The following JKAMP variants were observed in gnomAD, a reference collection of about 807,000 sequenced individuals.
The protein encoded by JKAMP is JNK1/MAPK8 associated membrane protein, also known as JNK1/MAPK8-associated membrane protein.
JKAMP carries 20 observed loss-of-function variants against 40.2 expected under a neutral mutation model. That is an observed-to-expected ratio of 0.50 (90% CI 0.35 to 0.72). The LOEUF is 0.72. JKAMP is among the 30% of genes least tolerant of loss of function. JKAMP has a pLI of 0.01. For synonymous variants in JKAMP, 138 were observed against 131.6 expected, an observed-to-expected ratio of 1.05 and a Z score of -0.33; for missense variants, 276 against 373.0, an observed-to-expected ratio of 0.74 and a Z score of 2.14.
At chr14:59,502,751 T>TTTTTTTTTTGTTTTGTTTTGTTTTG (rs1891994901) in intron 6 of JKAMP, among the ~76,000 whole-genome samples, 1 of 89,152 alleles carries the variant, frequency 1.1e-5, no homozygotes, top group African/African-American at 4.5e-5. Context: ...TAAAATGAGA[T>TTTTTTTTTTGTTTTGTTTTGTTTTG]TTTTTTTTTT....
intron 1 of JKAMP, chr14:59,485,054 A>C: frequency 6.3e-7 from 1 of 1,598,408 alleles, no homozygotes; most frequent in South Asian, 1.1e-5. Context: ...AACTTTAGCC[A>C]TCGTTCGCTA....
At chr14:59,484,876 C>T in intron 1 of JKAMP, 1 of 1,248,644 alleles carries the variant, frequency 8.0e-7, no homozygotes, top group Non-Finnish European at 1.1e-6. Flanking sequence ...GTCGAGGGAA[C>T]ACTTGCTTGA....
intron 6 of JKAMP, 78 bp downstream of exon 6, chr14:59,501,345 T>A: frequency 1.1e-6 from 1 of 873,472 alleles, no homozygotes; most frequent in Non-Finnish European, 1.8e-6. Context: ...CCATATGATA[T>A]GATATAGTAC....
chr14:59,487,870 G>A, intron 3 of JKAMP, 42 bp downstream of exon 3: 2 of 1,560,124 alleles, frequency 1.3e-6, no homozygotes, highest in South Asian at 2.2e-5. Context: ...GACTAATGTT[G>A]GAATAATTAT....
At chr14:59,493,280 C>T (rs1019259048) in intron 3 of JKAMP, among the ~76,000 whole-genome samples, 5 of 152,142 alleles carry the variant, frequency 3.3e-5, no homozygotes, top group African/African-American at 1.2e-4. Context: ...GGAAGAGAAC[C>T]AAGGCACACC....
chr14:59,486,514 G>A (rs775954401), intron 1 of JKAMP, among the ~76,000 whole-genome samples, 199 bp from the exon 2 acceptor site: 38 of 152,332 alleles, frequency 2.5e-4, no homozygotes, highest in Non-Finnish European at 5.3e-4. Flanking sequence ...GGTATTAACA[G>A]CAAGGTTCCA....
In JKAMP at chr14:59,501,247, A is replaced by C; in HGVS notation, c.697A>C (p.Met233Leu). The C allele has an allele frequency of 6.2e-7, 1 of 1,601,692 alleles. No homozygotes were observed. The highest frequency in any genetic ancestry group is 8.5e-7 in the Non-Finnish European group (1 of 1,170,510). Residue 233 changes from methionine (M) to leucine (L), a missense_variant, in exon 6 of 7, where the codon ATG (methionine) becomes CTG (leucine). By Grantham distance (15) the Met-to-Leu change is conservative (BLOSUM62 2). Transcript: ENST00000616435. ...VLSLVTLAVY[M>L]SASEIENCYD... ...ATCTTTGGTTACTCTGGCTGTGTACATGTCTGCTTCTGAAATAGAGGTAGG... is the reference window on the plus strand; with the variant it reads ...ATCTTTGGTTACTCTGGCTGTGTACCTGTCTGCTTCTGAAATAGAGGTAGG...
chr14:59,486,042 T>A (rs1044854188), intron 1 of JKAMP: 42 of 152,222 alleles, frequency 2.8e-4, no homozygotes, highest in African/African-American at 9.2e-4. Flanking sequence ...GGGGTTTTTT[T>A]AAGTAAGGAA....
rs570026945 is a variant in JKAMP at position 59,484,778 on chromosome 14, G to T, written c.4+185G>T. The T allele has an allele frequency of 1.3e-4, 117 of 906,328 alleles. No individual in the cohort carries two copies. The African/African-American group carries it at 1.7e-3, about 13-fold the overall frequency. The allele number at this position is 906,328 out of a possible 1,614,324, so 56.1% of individuals were successfully genotyped here. ...GGGGTTGGGGTGGTCTGTCCGCAAC[G>T]GGCTACTAGGGGAGGCGCGCTGTCT... On this transcript the variant is annotated intron_variant, in intron 1 of 6. Transcript: ENST00000616435.
chr14:59,494,747 AATG>A (rs1402982433), intron 3 of JKAMP, among the ~76,000 whole-genome samples: 2 of 152,212 alleles, frequency 1.3e-5, no homozygotes, highest in Non-Finnish European at 2.9e-5. Flanking sequence ...TTAAGATTAA[AATG>A]ATACACAGAT....
intron 3 of JKAMP, among the ~76,000 whole-genome samples, chr14:59,489,195 A>AATTTT (rs1890803811): frequency 1.7e-5 from 1 of 58,318 alleles, no homozygotes; most frequent in Admixed American, 1.9e-4. Flanking sequence ...CTTTTTAAGT[A>AATTTT]TAAGTCCCAA....
At chr14:59,495,851 C>A (rs560288124) in intron 4 of JKAMP, among the ~76,000 whole-genome samples, 1 of 152,066 alleles carries the variant, frequency 6.6e-6, no homozygotes, top group South Asian at 2.1e-4. Flanking sequence ...CAAATAGGTA[C>A]AAAACAACCA....
At chr14:59,500,208 T>C (rs1053196711) in intron 5 of JKAMP, among the ~76,000 whole-genome samples, 2 of 152,194 alleles carry the variant, frequency 1.3e-5, no homozygotes, top group African/African-American at 4.8e-5. Flanking sequence ...TAAAAAGTTA[T>C]AAATGTCAAA....
intron 3 of JKAMP, 74 bp from the exon 4 acceptor site, chr14:59,494,944 A>C: frequency 9.9e-7 from 1 of 1,007,086 alleles, no homozygotes; most frequent in Non-Finnish European, 1.5e-6. Flanking sequence ...GTATCTTGAC[A>C]CATGTACATG....
Position 59,505,335 on chromosome 14 carries a change from A to G in JKAMP, c.*1263A>G. The G allele has an allele frequency of 7.3e-7, 1 of 1,377,008 alleles. No homozygotes were observed. The highest frequency in any genetic ancestry group is 1.4e-5 in the South Asian group (1 of 70,404). The allele number at this position is 1,377,008 out of a possible 1,614,324, so 85.3% of individuals were successfully genotyped here. A position where few individuals can be genotyped will look rare whatever the true frequency, so the allele number is the denominator to read the frequency against. ...TCTTCTCTGTAGGAATAAAAAATAA[A>G]TATAAAAATTTTATTTGTATTGCAC... On this transcript the variant is annotated 3_prime_UTR_variant, in exon 7 of 7. Coordinates refer to ENST00000616435, the MANE Select transcript of JKAMP (RefSeq NM_016475.5).
At chr14:59,484,953 C>T (rs1367296058) in intron 1 of JKAMP, 1 of 1,513,426 alleles carries the variant, frequency 6.6e-7, no homozygotes, top group South Asian at 1.3e-5. Context: ...AAGCAAGTTG[C>T]TGCATAATTT....
rs1407981196 is a variant in JKAMP at position 59,484,602 on chromosome 14, T to A, written c.4+9T>A. 6.3e-7 allele frequency: 1 copy of A among 1,578,994 alleles called. No individual in the cohort carries two copies. The highest frequency in any genetic ancestry group is 1.8e-5 in the Admixed American group (1 of 55,010). Reference sequence around the variant, plus strand: ...CTTCAGGCGGCCCATGGGTGAGTGGTCGCCAAGATCCCGGGAAGCGTTTCT... The same window carrying A: ...CTTCAGGCGGCCCATGGGTGAGTGGACGCCAAGATCCCGGGAAGCGTTTCT... On this transcript the variant is annotated intron_variant, in intron 1 of 6. Transcript: ENST00000616435.
At chr14:59,492,998 CTG>C (rs1594939506) in intron 3 of JKAMP, among the ~76,000 whole-genome samples, 1 of 151,958 alleles carries the variant, frequency 6.6e-6, no homozygotes, top group East Asian at 1.9e-4. Flanking sequence ...CGGGGTTTCA[CTG>C]TGTTAGCCAG....
At chr14:59,484,660 C>G in intron 1 of JKAMP, 67 bp downstream of exon 1, 1 of 1,538,934 alleles carries the variant, frequency 6.5e-7, no homozygotes, top group Non-Finnish European at 8.8e-7. Flanking sequence ...CACGGCTGGC[C>G]TCGGGCTCGG....
Sources: gnomAD v4.1 joint callset for allele counts (sites outside exome capture counted in the v4.1 genomes callset) on GRCh38, gnomAD v4.1.1 for gene constraint, MANE v1.5 for transcripts, NCBI Gene and HGNC (gene_info 2026-07-23, HGNC 2026-07-21) for gene names.